DPP10: variants seen among roughly 807,000 people sequenced by gnomAD.
DPP10 encodes inactive dipeptidyl peptidase 10.
DPP10 carries 33 observed loss-of-function variants against 120.9 expected under a neutral mutation model. The ratio of observed to expected loss-of-function variants is 0.27; its 90% CI spans 0.21 to 0.37. The LOEUF (loss-of-function observed/expected upper bound fraction) is 0.37, where lower values mean the gene tolerates loss of function less well. DPP10 is among the 10% of genes least tolerant of loss of function. The pLI is 1.00. For missense variants in DPP10, 816 were observed against 942.8 expected, an observed-to-expected ratio of 0.87 and a Z score of 1.76; for synonymous variants, 337 against 326.1, an observed-to-expected ratio of 1.03 and a Z score of -0.36.
intron 1 of DPP10, among the ~76,000 whole-genome samples, chr2:114,933,415 G>A (rs904626415): frequency 1.3e-5 from 2 of 152,274 alleles, no homozygotes; most frequent in Admixed American, 6.5e-5. Flanking sequence ...TCATAAACGG[G>A]GTAAAAAGTA....
chr2:114,800,032 A>G (rs537259938), intron 1 of DPP10, among the ~76,000 whole-genome samples: 2 of 152,332 alleles, frequency 1.3e-5, no homozygotes, highest in South Asian at 2.1e-4. Context: ...TCCCTTCACT[A>G]TGCTTAGAAG....
intron 1 of DPP10, among the ~76,000 whole-genome samples, chr2:114,473,706 C>T (rs1452011264): frequency 6.6e-6 from 1 of 152,022 alleles, no homozygotes; most frequent in African/African-American, 2.4e-5. Context: ...GCAATAGATA[C>T]AATGTAACCT....
chr2:115,450,767 A>C (rs1250781375), intron 3 of DPP10, among the ~76,000 whole-genome samples: 2 of 151,874 alleles, frequency 1.3e-5, no homozygotes, highest in Non-Finnish European at 2.9e-5. Flanking sequence ...TGTTCAGGAA[A>C]CTATGTTGAG....
At chr2:115,766,713 T>C (rs1226054595) in intron 12 of DPP10, among the ~76,000 whole-genome samples, 1 of 152,060 alleles carries the variant, frequency 6.6e-6, no homozygotes, top group Non-Finnish European at 1.5e-5. Flanking sequence ...AGTTATTGCT[T>C]CTAGGGAGGC....
intron 1 of DPP10, among the ~76,000 whole-genome samples, chr2:115,187,105 C>T (rs565555362): frequency 1.9e-4 from 27 of 139,160 alleles, no homozygotes; most frequent in African/African-American, 6.1e-4. Flanking sequence ...GGCGCAATCT[C>T]GGCTCACTGC....
chr2:114,787,899 T>C (rs1682898302), intron 1 of DPP10, among the ~76,000 whole-genome samples: 1 of 152,240 alleles, frequency 6.6e-6, no homozygotes, highest in Non-Finnish European at 1.5e-5. Flanking sequence ...TAATTGAGTA[T>C]AGGATACAAA....
chr2:114,544,246 G>T (rs921825011), intron 1 of DPP10, among the ~76,000 whole-genome samples: 1 of 152,162 alleles, frequency 6.6e-6, no homozygotes, highest in Non-Finnish European at 1.5e-5. Context: ...AAGTGAATGT[G>T]AGTCAAGACT....
chr2:114,808,132 C>A (rs1020973838), intron 1 of DPP10, among the ~76,000 whole-genome samples: 9 of 152,310 alleles, frequency 5.9e-5, no homozygotes, highest in African/African-American at 1.9e-4. Context: ...CACATGACAT[C>A]ATTTTCACCA....
intron 1 of DPP10, among the ~76,000 whole-genome samples, chr2:114,983,993 T>A (rs1039584633): frequency 6.6e-6 from 1 of 152,208 alleles, no homozygotes; most frequent in African/African-American, 2.4e-5. Context: ...TGCTGTTGGA[T>A]GATTGAAATG....
At chr2:115,553,495 C>A (rs1385286672) in intron 5 of DPP10, among the ~76,000 whole-genome samples, 1 of 151,684 alleles carries the variant, frequency 6.6e-6, no homozygotes, top group East Asian at 1.9e-4. Flanking sequence ...TTTATTTGAA[C>A]CTTGAATGAA....
At chr2:115,550,547 A>G (rs1346660710) in intron 5 of DPP10, among the ~76,000 whole-genome samples, 3 of 152,138 alleles carry the variant, frequency 2.0e-5, no homozygotes, top group African/African-American at 7.2e-5. Context: ...TTTTCTAACT[A>G]CTTTTTCATG....
At chr2:115,152,109 A>AT (rs2051598429) in intron 1 of DPP10, among the ~76,000 whole-genome samples, 1 of 151,966 alleles carries the variant, frequency 6.6e-6, no homozygotes, top group Admixed American at 6.6e-5. Flanking sequence ...TGAGCATGAC[A>AT]TTTTTTGGCA....
intron 1 of DPP10, chr2:114,707,280 A>G (rs1400670989): frequency 1.3e-5 from 2 of 151,548 alleles, no homozygotes; most frequent in African/African-American, 4.8e-5. Flanking sequence ...AAGAGCTGAC[A>G]CTTCTACACT....
At chr2:115,620,786 T>C (rs191933837) in intron 5 of DPP10, among the ~76,000 whole-genome samples, 84 of 152,344 alleles carry the variant, frequency 5.5e-4, no homozygotes, top group African/African-American at 1.9e-3. Context: ...AAGAATATAG[T>C]ACTAAGGCAG....
chr2:115,023,536 A>G (rs757831870), intron 1 of DPP10, among the ~76,000 whole-genome samples: 9 of 152,262 alleles, frequency 5.9e-5, no homozygotes, highest in Non-Finnish European at 1.3e-4. Flanking sequence ...ACACTTTTAT[A>G]CTGTCGGTGG....
At chr2:114,472,585 G>A (rs749207811) in intron 1 of DPP10, among the ~76,000 whole-genome samples, 2 of 152,126 alleles carry the variant, frequency 1.3e-5, no homozygotes, top group African/African-American at 2.4e-5. Context: ...GATGCAGGCT[G>A]CGTCTCAGCC....
At chr2:114,706,714 A>G (rs1481312965) in intron 1 of DPP10, among the ~76,000 whole-genome samples, 1 of 152,184 alleles carries the variant, frequency 6.6e-6, no homozygotes, top group Non-Finnish European at 1.5e-5. Flanking sequence ...TTGAGGGGTT[A>G]GGAATTGGAT....
intron 5 of DPP10, among the ~76,000 whole-genome samples, chr2:115,576,178 A>G (rs1191894061): frequency 6.6e-6 from 1 of 152,242 alleles, no homozygotes; most frequent in East Asian, 1.9e-4. Flanking sequence ...ACAATGAGCT[A>G]TCAAAAACAT....
chr2:115,362,732 T>C (rs985907074), intron 3 of DPP10, among the ~76,000 whole-genome samples: 1 of 152,240 alleles, frequency 6.6e-6, no homozygotes, highest in African/African-American at 2.4e-5. Flanking sequence ...TTGAAGCTAC[T>C]GTTTTAATTT....
Sources: gnomAD v4.1 joint callset for allele counts (sites outside exome capture counted in the v4.1 genomes callset) on GRCh38, gnomAD v4.1.1 for gene constraint, MANE v1.5 for transcripts, NCBI Gene and HGNC (gene_info 2026-07-23, HGNC 2026-07-21) for gene names.